GOLPH3L: variants seen among roughly 807,000 people sequenced by gnomAD.
The protein encoded by GOLPH3L is Golgi phosphoprotein 3-like.
A neutral mutation model predicts 30.3 loss-of-function variants in GOLPH3L; 22 were observed. That is an observed-to-expected ratio of 0.73 (90% CI 0.52 to 1.04). GOLPH3L has a LOEUF of 1.04. GOLPH3L is among the 50% of genes least tolerant of loss of function. The pLI is 0.00. For synonymous variants in GOLPH3L, 120 were observed against 128.2 expected, an observed-to-expected ratio of 0.94 and a Z score of 0.43; for missense variants, 303 against 345.8, an observed-to-expected ratio of 0.88 and a Z score of 0.98.
chr1:150,653,052 A>C (rs1197612714), intron 4 of GOLPH3L, among the ~76,000 whole-genome samples: 1 of 151,696 alleles, frequency 6.6e-6, no homozygotes, highest in East Asian at 1.9e-4. Flanking sequence ...TGGGATGCCA[A>C]GGTGGGCAGA....
At chr1:150,660,576 C>T (rs906082840) in intron 4 of GOLPH3L, among the ~76,000 whole-genome samples, 5 of 152,148 alleles carry the variant, frequency 3.3e-5, no homozygotes, top group African/African-American at 9.7e-5. Context: ...GTGTTATATA[C>T]ATACAACGGA....
At chr1:150,690,869 T>C (rs1464966737) in intron 2 of GOLPH3L, among the ~76,000 whole-genome samples, 1 of 152,232 alleles carries the variant, frequency 6.6e-6, no homozygotes, top group East Asian at 1.9e-4. Context: ...CTAACTCCCT[T>C]GGCTCATTCT....
intron 1 of GOLPH3L, among the ~76,000 whole-genome samples, chr1:150,696,341 G>A (rs1025722706): frequency 6.6e-6 from 1 of 152,006 alleles, no homozygotes; most frequent in Non-Finnish European, 1.5e-5. Context: ...TTACCTATGT[G>A]TCTCATGGCC....
intron 2 of GOLPH3L, among the ~76,000 whole-genome samples, chr1:150,668,714 A>C (rs1650572793): frequency 6.6e-6 from 1 of 151,952 alleles, no homozygotes; most frequent in East Asian, 1.9e-4. Context: ...TCTTTAAGGA[A>C]GGGGTAGGCT....
At chr1:150,681,174 T>C (rs2867302) in intron 2 of GOLPH3L, among the ~76,000 whole-genome samples, 58,550 of 152,020 alleles carry the variant, frequency 0.39, 11,598 homozygotes, top group South Asian at 0.55. Flanking sequence ...TTAGTTAATC[T>C]AATCCTACAA....
chr1:150,672,375 T>A (rs587636757), intron 2 of GOLPH3L, among the ~76,000 whole-genome samples: 132 of 152,340 alleles, frequency 8.7e-4, no homozygotes, highest in Admixed American at 1.5e-3. Context: ...TTAATGTGAT[T>A]CATCGAAACT....
At chr1:150,654,682 C>T (rs188543870) in intron 4 of GOLPH3L, among the ~76,000 whole-genome samples, 2 of 152,176 alleles carry the variant, frequency 1.3e-5, no homozygotes, top group Non-Finnish European at 2.9e-5. Context: ...CCCGTCTGGG[C>T]CTGTTCCAAA....
At chr1:150,694,420 TCC>T in intron 2 of GOLPH3L, 1 of 406,306 alleles carries the variant, frequency 2.5e-6, no homozygotes, top group Non-Finnish European at 4.4e-6. Flanking sequence ...TATCCTCCTC[TCC>T]TGTATCTTCT....
chr1:150,667,885 C>T (rs1460349222), intron 2 of GOLPH3L, among the ~76,000 whole-genome samples: 2 of 152,146 alleles, frequency 1.3e-5, no homozygotes, highest in African/African-American at 2.4e-5. Context: ...TGAGCCACCA[C>T]GCCCGGCCCA....
chr1:150,683,694 T>C, intron 2 of GOLPH3L, among the ~76,000 whole-genome samples: 2 of 66,540 alleles, frequency 3.0e-5, no homozygotes, highest in African/African-American at 6.6e-5. Context: ...AGCGAGACTC[T>C]CTCTCAAAAA....
At chr1:150,666,871 A>T (rs2101794367) in intron 2 of GOLPH3L, among the ~76,000 whole-genome samples, 1 of 152,284 alleles carries the variant, frequency 6.6e-6, no homozygotes, top group East Asian at 1.9e-4. Context: ...GATACCTGAC[A>T]ATATCTGAGG....
chr1:150,692,157 GA>G (rs1252394843), intron 2 of GOLPH3L, among the ~76,000 whole-genome samples: 1 of 151,684 alleles, frequency 6.6e-6, no homozygotes, highest in Non-Finnish European at 1.5e-5. Flanking sequence ...TGAGAGATAA[GA>G]AAAAAATAAG....
In GOLPH3L at chr1:150,663,687, C is replaced by T. The variant is rs1242225161; in HGVS notation, c.260G>A (p.Gly87Asp). 13 of 1,613,750 alleles carry T rather than the reference C, an allele frequency of 8.1e-6. No homozygotes were observed. The highest frequency in any genetic ancestry group is 1.1e-5 in the Non-Finnish European group (13 of 1,179,838). Residue 87 changes from glycine to aspartate, a missense_variant, in exon 3 of 5, where the codon GGT becomes GAT. Coordinates refer to ENST00000271732, the MANE Select transcript of GOLPH3L (RefSeq NM_018178.6). ...GGTCGGGGGTTCCAGATAGATTCGACCCCGCATGGCCAGCTCTATCAGGAT... is the reference window on the plus strand; with the variant it reads ...GGTCGGGGGTTCCAGATAGATTCGATCCCGCATGGCCAGCTCTATCAGGAT... ...GGILIELAMR[G>D]RIYLEPPTMR...
chr1:150,678,938 G>A (rs915543946), intron 2 of GOLPH3L, among the ~76,000 whole-genome samples: 32 of 152,238 alleles, frequency 2.1e-4, no homozygotes, highest in African/African-American at 5.3e-4. Flanking sequence ...GCAAGGCTCC[G>A]TCTCAAAAAA....
intron 4 of GOLPH3L, among the ~76,000 whole-genome samples, chr1:150,653,351 A>C (rs1650169888): frequency 6.8e-6 from 1 of 147,930 alleles, no homozygotes; most frequent in Admixed American, 6.8e-5. Flanking sequence ...GCTGGAGTGC[A>C]ATGGCATGAT....
intron 2 of GOLPH3L, among the ~76,000 whole-genome samples, chr1:150,667,662 C>T (rs983743688): frequency 1.7e-4 from 25 of 148,858 alleles, no homozygotes; most frequent in African/African-American, 6.2e-4. Context: ...GGCGCAATCT[C>T]GGCTGACTGT....
At chr1:150,657,698 AT>A (rs201256020) in intron 4 of GOLPH3L, among the ~76,000 whole-genome samples, 6,263 of 152,248 alleles carry the variant, frequency 0.041, 426 homozygotes, top group African/African-American at 0.14. Context: ...CTCTAGCTAC[AT>A]TTTTCTCTAT....
At chr1:150,691,515 T>TAAAAACAAAAAC (rs3059574) in intron 2 of GOLPH3L, among the ~76,000 whole-genome samples, 19 of 151,292 alleles carry the variant, frequency 1.3e-4, no homozygotes, top group East Asian at 9.8e-4. Flanking sequence ...GACTCTGTCT[T>TAAAAACAAAAAC]AAAAACAAAA....
Position 150,648,689 on chromosome 1 carries a change from C to A in GOLPH3L, c.490G>T (p.Ala164Ser), listed in dbSNP as rs186291546. 43 of 1,611,986 alleles carry A rather than the reference C, an allele frequency of 2.7e-5. No homozygotes were observed. The East Asian group carries it at 9.4e-4, about 35-fold the overall frequency. ...YQLRNVRERI[A>S]KNLVEKGILT... The stretch of plus-strand genomic sequence containing the variant: ...ATACCTTTCTCTACTAGGTTCTTTG[C>A]GATGCGCTCTCGTACATTTCTCAGC... Residue 164 changes from alanine (A) to serine (S), a missense_variant, in exon 5 of 5, where the codon GCA (alanine) becomes TCA (serine). Ala to Ser is a moderately conservative substitution (Grantham distance 99). Coordinates refer to ENST00000271732, the MANE Select transcript of GOLPH3L (RefSeq NM_018178.6).
Sources: gnomAD v4.1 joint callset for allele counts (sites outside exome capture counted in the v4.1 genomes callset) on GRCh38, gnomAD v4.1.1 for gene constraint, MANE v1.5 for transcripts, NCBI Gene and HGNC (gene_info 2026-07-23, HGNC 2026-07-21) for gene names.